LOXL4: variants seen among roughly 807,000 people sequenced by gnomAD.
LOXL4 encodes the protein lysyl oxidase homolog 4.
In LOXL4, 72 loss-of-function variants were observed where a neutral mutation model predicts 89.1. The ratio of observed to expected loss-of-function variants is 0.81; its 90% CI spans 0.67 to 0.98. The LOEUF is 0.98. LOXL4 is among the 50% of genes least tolerant of loss of function. LOXL4 has a pLI of 0.00. For missense variants in LOXL4, 984 were observed against 1,017.5 expected (o/e 0.97, Z 0.45); for synonymous variants, 355 against 392.1 (o/e 0.91, Z 1.12).
Position 98,247,703 on chromosome 10 carries a change from A to G in LOXL4, c.*1218T>C, listed in dbSNP as rs1029675117. 6.6e-6 allele frequency: 1 copy of G among 152,254 alleles called. No individual in the cohort carries two copies. The highest frequency in any genetic ancestry group is 2.4e-5 in the African/African-American group (1 of 41,448). 9.4% of individuals were successfully genotyped at this position (152,254 alleles called of 1,614,324 possible). A position where few individuals can be genotyped will look rare whatever the true frequency, so the allele number is the denominator to read the frequency against. On this transcript the variant is annotated 3_prime_UTR_variant, in exon 15 of 15. Transcript: ENST00000260702. ...GCTGGTCTGGTCTTTGTAGCAGTCC[A>G]TAATGAGCAACTTTTATTGGCATTA... is the stretch of plus-strand genomic sequence containing the variant.
intron 2 of LOXL4, among the ~76,000 whole-genome samples, 193 bp downstream of exon 2, chr10:98,262,550 G>C (rs1033927085): frequency 1.3e-5 from 2 of 152,172 alleles, no homozygotes; most frequent in Non-Finnish European, 2.9e-5. Flanking sequence ...TGGTGGTGAC[G>C]GCGGTGGCCT....
chr10:98,251,803 A>AT, intron 12 of LOXL4, 101 bp from the exon 13 acceptor site: 1 of 1,395,668 alleles, frequency 7.2e-7, no homozygotes, highest in Non-Finnish European at 9.7e-7. Flanking sequence ...CAGTTCACAG[A>AT]TTAAGGACCG....
In LOXL4 at chr10:98,262,249, A is replaced by T. The variant is rs1166030647; in HGVS notation, c.278-36T>A. The T allele has an allele frequency of 3.7e-6, 6 of 1,609,310 alleles. No individual in the cohort carries two copies. In the South Asian group the frequency reaches 6.6e-5, roughly 18 times the overall value. On this transcript the variant is annotated intron_variant, in intron 2 of 14. Transcript: ENST00000260702. The stretch of plus-strand genomic sequence containing the variant: ...GAGGTGATGCTCAAAGATGGCACAG[A>T]GAGGCAGGTCACAGGCTCTGCCTCC...
At chr10:98,258,621 C>T (rs545099582) in intron 6 of LOXL4, among the ~76,000 whole-genome samples, 2 of 152,222 alleles carry the variant, frequency 1.3e-5, no homozygotes, top group East Asian at 3.9e-4. Context: ...GGCATCTGTA[C>T]CACCTCATGA....
chr10:98,249,024 A>T (rs747322081), intron 14 of LOXL4, 33 bp from the exon 15 acceptor site: 6 of 1,564,442 alleles, frequency 3.8e-6, no homozygotes, highest in Non-Finnish European at 1.8e-6. Context: ...TAAGTAGCCA[A>T]CCTTTCCAGT....
intron 4 of LOXL4, 142 bp downstream of exon 4, chr10:98,260,780 G>T: frequency 1.2e-6 from 1 of 829,340 alleles, no homozygotes; most frequent in Non-Finnish European, 1.9e-6. Context: ...ACTCGCCTGT[G>T]TGCATACTTA....
At chr10:98,249,385 G>A (rs1166857581) in intron 14 of LOXL4, among the ~76,000 whole-genome samples, 5 of 152,158 alleles carry the variant, frequency 3.3e-5, no homozygotes, top group Non-Finnish European at 7.4e-5. Flanking sequence ...GAGAGAGGCC[G>A]GATATTCCTT....
At chr10:98,262,308 T>G in intron 2 of LOXL4, 95 bp from the exon 3 acceptor site, 2 of 1,335,484 alleles carry the variant, frequency 1.5e-6, no homozygotes, top group Non-Finnish European at 2.1e-6. Flanking sequence ...AGTCACCTCT[T>G]CCAAACCCTG....
rs1858472645 is a variant in LOXL4 at position 98,259,237 on chromosome 10, C to T, written c.702-9G>A. ...TCGTCAGGCTCTTCAGCCTAGAGGA[C>T]AAGGGAGACTGAGGGTGGAGGAAGG... On this transcript the variant is annotated splice_polypyrimidine_tract_variant and intron_variant, in intron 5 of 14. Coordinates refer to ENST00000260702, the MANE Select transcript of LOXL4 (RefSeq NM_032211.7). The T allele has an allele frequency of 1.2e-6, 2 of 1,607,720 alleles. No individual in the cohort carries two copies. Among genetic ancestry groups the T allele is most frequent in the Non-Finnish European group, 8.5e-7 (1 of 1,176,786 alleles).
Position 98,251,164 on chromosome 10 carries a change from G to T in LOXL4, c.2101C>A (p.Pro701Thr). 2 of 1,612,882 alleles carry T rather than the reference G, an allele frequency of 1.2e-6. No individual in the cohort carries two copies. Among genetic ancestry groups the T allele is most frequent in the Non-Finnish European group, 1.7e-6 (2 of 1,178,944 alleles). ...TCTGACTCTGCCACTTCATAGTGGG[G>T]GTTCACAATCACCTAGAGTGAAAGA... ...GNYIFQVIVNPHYEVAESDFS... is the reference protein window; with the variant it reads ...GNYIFQVIVNTHYEVAESDFS... Residue 701 changes from proline (P) to threonine (T), a missense_variant, in exon 14 of 15, where the codon CCC (proline) becomes ACC (threonine). Pro to Thr is a conservative substitution (Grantham distance 38). Transcript: ENST00000260702.
In LOXL4 at chr10:98,256,771, G is replaced by T. The variant is rs200786136; in HGVS notation, c.1428+9C>A. 228 of 1,614,002 alleles carry T rather than the reference G, an allele frequency of 1.4e-4. No individual in the cohort carries two copies. In the African/African-American group the frequency reaches 2.8e-3, roughly 20 times the overall value. Reference sequence around the variant, plus strand: ...GAGGTCATACGGAAGAAACAACAGAGGGACCTACCTTGTAGGCATGGATGG... The same window carrying T: ...GAGGTCATACGGAAGAAACAACAGATGGACCTACCTTGTAGGCATGGATGG... On this transcript the variant is annotated intron_variant, in intron 9 of 14. Coordinates refer to ENST00000260702, the MANE Select transcript of LOXL4 (RefSeq NM_032211.7).
intron 2 of LOXL4, 86 bp downstream of exon 2, chr10:98,262,657 A>G: frequency 3.3e-6 from 5 of 1,508,914 alleles, no homozygotes; most frequent in Non-Finnish European, 4.5e-6. Flanking sequence ...GCAGGGTATT[A>G]AAGGATGGGT....
rs1311443773 is a variant in LOXL4, at chr10:98,259,061, G to A, written c.869C>T (p.Pro290Leu). Residue 290 changes from proline (P) to leucine (L), a missense_variant, in exon 6 of 15, where the codon CCT becomes CTT. Transcript: ENST00000260702. ...MHAVVSCVAG[P>L]HFRPPKTKPQ... ...CTTTGTCTTCGGTGGGCGGAAGTGA[G>A]GCCCTGCCACACAGCTGACCACAGC... 2.5e-6 allele frequency: 4 copies of A among 1,575,134 alleles called. No homozygotes were observed. Among genetic ancestry groups the A allele is most frequent in the Admixed American group, 1.8e-5 (1 of 54,426 alleles).
chr10:98,263,855 T>C (rs1858612761), intron 1 of LOXL4, among the ~76,000 whole-genome samples: 2 of 151,548 alleles, frequency 1.3e-5, no homozygotes, highest in South Asian at 4.2e-4. Context: ...CTCATCCTCC[T>C]GAGTAGCTGG....
intron 2 of LOXL4, among the ~76,000 whole-genome samples, 176 bp from the exon 3 acceptor site, chr10:98,262,389 T>A (rs1858570139): frequency 6.6e-6 from 1 of 152,210 alleles, no homozygotes; most frequent in African/African-American, 2.4e-5. Flanking sequence ...GCCTGCTACC[T>A]CCTTTGGGTG....
At position 98,259,157 on chromosome 10, in the gene LOXL4, A is replaced by G; in HGVS notation, c.773T>C (p.Met258Thr). 1.2e-6 allele frequency: 2 copies of G among 1,612,250 alleles called. No homozygotes were observed. The highest frequency in any genetic ancestry group is 1.7e-6 in the Non-Finnish European group (2 of 1,179,844). ...QVTCLGTEPHMANCQVQVAPA... is the reference protein window; with the variant it reads ...QVTCLGTEPHTANCQVQVAPA... ...AGCCACCTGCACCTGGCAGTTGGCC[A>G]TGTGGGGCTCTGTCCCCAGGCAGGT... The change falls in exon 6 of 15, where the codon ATG becomes ACG. Residue 258 changes from methionine to threonine, a missense_variant. Physicochemically the swap from Met to Thr is moderately conservative, Grantham distance 81. Transcript: ENST00000260702.
intron 2 of LOXL4, 70 bp from the exon 3 acceptor site, chr10:98,262,283 A>G: frequency 5.9e-6 from 9 of 1,518,320 alleles, no homozygotes; most frequent in Non-Finnish European, 8.1e-6. Flanking sequence ...CCTGCATAGG[A>G]CCCCACACTT....
chr10:98,261,014 C>T lies in LOXL4; in HGVS notation c.570G>A (p.Val190=). The T allele has an allele frequency of 6.2e-7, 1 of 1,614,060 alleles. No homozygotes were observed. ...EVKYEGHWRQ[V]CDQGWTMNNS... The stretch of plus-strand genomic sequence containing the variant: ...TGTTCATGGTCCAGCCCTGGTCACA[C>T]ACCTGCCGCCAGTGGCCCTCATACT... Residue 190 remains valine (V), a synonymous_variant, in exon 4 of 15, where the codon GTG becomes GTA. Coordinates refer to ENST00000260702, the MANE Select transcript of LOXL4 (RefSeq NM_032211.7).
At chr10:98,253,441 C>T (rs535865142) in intron 11 of LOXL4, 112 bp downstream of exon 11, 108 of 1,465,036 alleles carry the variant, frequency 7.4e-5, no homozygotes, top group Admixed American at 1.6e-4. Flanking sequence ...GCAAGGAGAG[C>T]GCACACCCCT....
Sources: allele counts gnomAD v4.1 joint callset (sites outside exome capture counted in the v4.1 genomes callset), GRCh38; gene constraint gnomAD v4.1.1; transcripts MANE v1.5; gene names NCBI Gene and HGNC (gene_info 2026-07-23, HGNC 2026-07-21).